The following FCRL3 variants were observed in gnomAD, a reference collection of about 807,000 sequenced individuals.
FCRL3 encodes the protein Fc receptor like 3.
A neutral mutation model predicts 75.0 loss-of-function variants in FCRL3; 89 were observed. That is an observed-to-expected ratio of 1.19 (90% CI 1.00 to 1.42). FCRL3 has a LOEUF of 1.42. Ranked by LOEUF, FCRL3 falls within the 40% of genes most tolerant of loss-of-function variation. FCRL3 has a pLI of 0.00. For synonymous variants in FCRL3, 376 were observed against 348.5 expected, an observed-to-expected ratio of 1.08 and a Z score of -0.88; for missense variants, 946 against 880.0, an observed-to-expected ratio of 1.07 and a Z score of -0.95.
chr1:157,680,945 C>T (rs763426560), intron 12 of FCRL3, 36 bp downstream of exon 12: 2 of 1,529,624 alleles, frequency 1.3e-6, no homozygotes, highest in Non-Finnish European at 1.8e-6. Flanking sequence ...TCCCTGGCTC[C>T]TCCCTAGAGC....
rs563578200 is a variant in FCRL3 at position 157,698,702 on chromosome 1, C to T, written c.53-73G>A. ...TGGGCACAGCACATGGGGAGCCCAA[C>T]CTACAGTCAGGAGTTTTCCTGGACT... On this transcript the variant is annotated intron_variant, in intron 3 of 14. Coordinates refer to ENST00000368184, the MANE Select transcript of FCRL3 (RefSeq NM_052939.4). The T allele has an allele frequency of 5.3e-6, 8 of 1,517,682 alleles. No individual in the cohort carries two copies. The East Asian group carries it at 1.4e-4, about 26-fold the overall frequency. 94.0% of individuals were successfully genotyped at this position (1,517,682 alleles called of 1,614,324 possible).
intron 7 of FCRL3, 44 bp from the exon 8 acceptor site, chr1:157,695,651 C>T: frequency 6.4e-7 from 1 of 1,553,096 alleles, no homozygotes. Context: ...GACGTTGTGA[C>T]AGATGCACAA....
chr1:157,682,181 C>T (rs1274335283), intron 11 of FCRL3, among the ~76,000 whole-genome samples: 1 of 152,126 alleles, frequency 6.6e-6, no homozygotes, highest in Non-Finnish European at 1.5e-5. Flanking sequence ...AATTTTCTCC[C>T]ATTTTGTGGG....
Position 157,678,489 on chromosome 1 carries a change from G to A in FCRL3, c.*221C>T, listed in dbSNP as rs17675862. 31,100 of 1,394,770 alleles carry A rather than the reference G, an allele frequency of 0.022. 397 individuals carry two copies. The highest frequency in any genetic ancestry group is 0.026 in the Non-Finnish European group (27,908 of 1,075,234). The allele number at this position is 1,394,770 out of a possible 1,614,324, so 86.4% of individuals were successfully genotyped here. On this transcript the variant is annotated 3_prime_UTR_variant, in exon 15 of 15. Transcript: ENST00000368184. ...TCCTGCCTTGCCACGTGTCTCCACT[G>A]TGAAAATAACACAGTGCTTGCTCAG...
chr1:157,697,939 A>G lies in FCRL3; in HGVS notation c.299-20T>C, dbSNP rs757532565. Reference sequence around the variant, plus strand: ...GCCAGTCTGCAAAGAGCACAGGAGCACACTCAGGTTATCCCCTGCTGTTTC... The same window carrying G: ...GCCAGTCTGCAAAGAGCACAGGAGCGCACTCAGGTTATCCCCTGCTGTTTC... On this transcript the variant is annotated intron_variant, in intron 4 of 14. Coordinates refer to ENST00000368184, the MANE Select transcript of FCRL3 (RefSeq NM_052939.4). 6.2e-7 allele frequency: 1 copy of G among 1,610,692 alleles called. No homozygotes were observed. The highest frequency in any genetic ancestry group is 8.5e-7 in the Non-Finnish European group (1 of 1,178,760).
intron 3 of FCRL3, 54 bp downstream of exon 3, chr1:157,699,638 G>T: frequency 6.2e-7 from 1 of 1,603,324 alleles, no homozygotes; most frequent in Admixed American, 1.7e-5. Context: ...GGCTGTGTGG[G>T]CTGAGGGGAC....
At chr1:157,691,602 T>C (rs1313693860) in intron 8 of FCRL3, among the ~76,000 whole-genome samples, 1 of 152,202 alleles carries the variant, frequency 6.6e-6, no homozygotes, top group African/African-American at 2.4e-5. Context: ...TCCTGCTAAA[T>C]TGAAACAGAT....
At chr1:157,681,170 T>C (rs12563943) in intron 11 of FCRL3, 71 bp from the exon 12 acceptor site, 70,351 of 1,027,966 alleles carry the variant, frequency 0.068, 3,810 homozygotes, top group African/African-American at 0.26. Flanking sequence ...GAAATCAATA[T>C]TCTGGAAGTC....
rs754715689 is a variant in FCRL3 at position 157,693,726 on chromosome 1, T to TTCTC, written c.1411+1599_1411+1602dup. 5.6e-4 allele frequency among the ~76,000 whole-genome samples: 84 copies of TTCTC among 149,550 alleles called. 1 individual carries two copies. Among genetic ancestry groups the TTCTC allele is most frequent in the African/African-American group, 1.5e-3 (60 of 40,586 alleles). On this transcript the variant is annotated intron_variant, in intron 8 of 14. Transcript: ENST00000368184. ...TTCCTTCCTCCCTTCCTTCCTTCCT[T>TTCTC]TCTCTCTCTCTCTCTCTCTTTCTTT...
At chr1:157,691,893 A>C (rs1223168224) in intron 8 of FCRL3, 1 of 152,250 alleles carries the variant, frequency 6.6e-6, no homozygotes, top group Non-Finnish European at 1.5e-5. Flanking sequence ...AGTGGTCTCC[A>C]AGATGGGCTA....
chr1:157,697,687 A>G lies in FCRL3; in HGVS notation c.531T>C (p.Thr177=), dbSNP rs1327550645. 1 of 1,613,908 alleles carries G rather than the reference A, an allele frequency of 6.2e-7. No individual in the cohort carries two copies. The highest frequency in any genetic ancestry group is 1.7e-5 in the Admixed American group (1 of 60,000). Residue 177 remains threonine (T), a synonymous_variant, in exon 5 of 15, where the codon ACT becomes ACC. Transcript: ENST00000368184. Reference sequence around the variant, plus strand: ...GAACTTGGATATTTAGGGGTTTTGAAGTTACTTCAATGTCAAGTATGTAAA... The same window carrying G: ...GAACTTGGATATTTAGGGGTTTTGAGGTTACTTCAATGTCAAGTATGTAAA... ...RKFYILDIEV[T]SKPLNIQVQE...
chr1:157,684,195 G>A (rs772863710), intron 10 of FCRL3, among the ~76,000 whole-genome samples: 4 of 152,128 alleles, frequency 2.6e-5, no homozygotes, highest in Non-Finnish European at 5.9e-5. Flanking sequence ...GCAAGTTTCC[G>A]TCATCACCGA....
chr1:157,698,411 C>T lies in FCRL3; in HGVS notation c.271G>A (p.Asp91Asn). 6.2e-7 allele frequency: 1 copy of T among 1,614,218 alleles called. No homozygotes were observed. The highest frequency in any genetic ancestry group is 8.5e-7 in the Non-Finnish European group (1 of 1,180,026). The change falls in exon 4 of 15, where the codon GAT becomes AAT. Residue 91 changes from aspartate (D) to asparagine (N), a missense_variant. By Grantham distance (23) the Asp-to-Asn change is conservative (BLOSUM62 1). Transcript: ENST00000368184. ...GGTGAAAATTCCACATGCACGGCAT[C>T]ACTGAGGGAGGATCCTCGGGTCTTA... ...QCKTRGSSLS[D>N]AVHVEFSPDW...
intron 10 of FCRL3, among the ~76,000 whole-genome samples, chr1:157,689,586 T>C (rs1042677903): frequency 6.6e-6 from 1 of 152,234 alleles, no homozygotes; most frequent in African/African-American, 2.4e-5. Context: ...CTACCTAATA[T>C]AAATCTCAAA....
At chr1:157,694,767 G>A (rs1188741758) in intron 8 of FCRL3, among the ~76,000 whole-genome samples, 2 of 152,132 alleles carry the variant, frequency 1.3e-5, no homozygotes, top group African/African-American at 4.8e-5. Flanking sequence ...CAATCAGAAG[G>A]CATTTGAAAA....
chr1:157,696,513 C>T (rs902381963), intron 6 of FCRL3, 186 bp from the exon 7 acceptor site: 3 of 597,346 alleles, frequency 5.0e-6, no homozygotes, highest in African/African-American at 1.9e-5. Context: ...ACTCCCACAA[C>T]ATTCCCATCC....
chr1:157,677,587 G>A lies in FCRL3; in HGVS notation c.*1123C>T, dbSNP rs1332898318. ...AAAAATTCAACACACTGTGGAAAGA[G>A]TTTTTGATGGTGATAGCTAGGAAAA... On this transcript the variant is annotated 3_prime_UTR_variant, in exon 15 of 15. Transcript: ENST00000368184. 3.0e-6 allele frequency: 3 copies of A among 985,224 alleles called. No individual in the cohort carries two copies. Among genetic ancestry groups the A allele is most frequent in the Middle Eastern group, 5.2e-4 (1 of 1,934 alleles). The allele number at this position is 985,224 out of a possible 1,614,324, so 61.0% of individuals were successfully genotyped here.
intron 6 of FCRL3, 70 bp downstream of exon 6, chr1:157,697,070 G>A: frequency 7.5e-7 from 1 of 1,338,234 alleles, no homozygotes. Flanking sequence ...CATCCTAGGG[G>A]TGCAGGAGAT....
At position 157,677,960 on chromosome 1, in the gene FCRL3, A is replaced by G; in HGVS notation, c.*750T>C. ...TGTCTCGGGGTTAATGGGTGCTTAT[A>G]AGAATAAAACTGACTGACTAGAAAT... On this transcript the variant is annotated 3_prime_UTR_variant, in exon 15 of 15. Transcript: ENST00000368184. 1 of 985,328 alleles carries G rather than the reference A, an allele frequency of 1.0e-6. No homozygotes were observed. The allele number at this position is 985,328 out of a possible 1,614,324, so 61.0% of individuals were successfully genotyped here. A position where few individuals can be genotyped will look rare whatever the true frequency, so the allele number is the denominator to read the frequency against.
Sources: gnomAD v4.1 joint callset for allele counts (sites outside exome capture counted in the v4.1 genomes callset) on GRCh38, gnomAD v4.1.1 for gene constraint, MANE v1.5 for transcripts, NCBI Gene and HGNC (gene_info 2026-07-23, HGNC 2026-07-21) for gene names.